ANKIB1: variants seen among roughly 807,000 people sequenced by gnomAD.
The protein encoded by ANKIB1 is ankyrin repeat and IBR domain containing 1.
In ANKIB1, 43 loss-of-function variants were observed where a neutral mutation model predicts 122.1. That is an observed-to-expected ratio of 0.35 (90% CI 0.28 to 0.45). The LOEUF is 0.45. Ranked by LOEUF, ANKIB1 falls within the 20% of genes least tolerant of loss-of-function variation. ANKIB1 has a pLI of 1.00. For synonymous variants in ANKIB1, 390 were observed against 442.0 expected, an observed-to-expected ratio of 0.88 and a Z score of 1.48; for missense variants, 992 against 1,329.5, an observed-to-expected ratio of 0.75 and a Z score of 3.95.
Position 92,344,969 on chromosome 7 carries a change from C to CAA in ANKIB1, c.997-8_997-7insAA. 6.3e-7 allele frequency: 1 copy of CAA among 1,593,210 alleles called. No individual in the cohort carries two copies. The highest frequency in any genetic ancestry group is 8.6e-7 in the Non-Finnish European group (1 of 1,163,398). The stretch of plus-strand genomic sequence containing the variant: ...TTCTGTTTAAATCATTGTTCTTCTT[C>CAA]ATCTCCAGTGTGACATTTGTATGTG... On this transcript the variant is annotated splice_polypyrimidine_tract_variant and intron_variant, in intron 6 of 19. Coordinates refer to ENST00000265742, the MANE Select transcript of ANKIB1 (RefSeq NM_019004.2).
chr7:92,301,206 C>A (rs1273332136), intron 2 of ANKIB1, among the ~76,000 whole-genome samples: 1 of 152,048 alleles, frequency 6.6e-6, no homozygotes, highest in Non-Finnish European at 1.5e-5. Context: ...TGGATGTATA[C>A]CCAGAAGTAA....
intron 5 of ANKIB1, among the ~76,000 whole-genome samples, chr7:92,334,486 A>G (rs1803244372): frequency 6.6e-6 from 1 of 152,056 alleles, no homozygotes; most frequent in South Asian, 2.1e-4. Context: ...CTTACAAAGA[A>G]TTGTTTCCTG....
chr7:92,365,198 A>T lies in ANKIB1; in HGVS notation c.1486+2925A>T, dbSNP rs554281558. 2.0e-5 allele frequency among the ~76,000 whole-genome samples: 3 copies of T among 152,316 alleles called. No individual in the cohort carries two copies. The South Asian group carries it at 6.2e-4, about 32-fold the overall frequency. On this transcript the variant is annotated intron_variant, in intron 10 of 19. Coordinates refer to ENST00000265742, the MANE Select transcript of ANKIB1 (RefSeq NM_019004.2). Reference sequence around the variant, plus strand: ...GCAACTGTATACAAAACTAAGGAAAAATGTGTTATGAATGTGAGAGAACAT... The same window carrying T: ...GCAACTGTATACAAAACTAAGGAAATATGTGTTATGAATGTGAGAGAACAT...
intron 1 of ANKIB1, among the ~76,000 whole-genome samples, chr7:92,290,406 T>TGTGTGTGTGTGTGTGTGTG (rs1341752553): frequency 6.7e-6 from 1 of 149,462 alleles, no homozygotes; most frequent in African/African-American, 2.5e-5. Context: ...TGTGTGTGTA[T>TGTGTGTGTGTGTGTGTGTG]TGGGACCTGC....
chr7:92,248,214 C>G lies in ANKIB1; in HGVS notation c.-91+1695C>G, dbSNP rs372825807. 3.2e-4 allele frequency among the ~76,000 whole-genome samples: 48 copies of G among 152,140 alleles called. 1 individual carries two copies. The highest frequency in any genetic ancestry group is 9.9e-4 in the African/African-American group (41 of 41,478). The stretch of plus-strand genomic sequence containing the variant: ...ATGGGGAAGATAGAACTATATTTTC[C>G]TATTTCACTGTTCCCTTGACCACTA... On this transcript the variant is annotated intron_variant, in intron 1 of 19. Transcript: ENST00000265742.
intron 1 of ANKIB1, among the ~76,000 whole-genome samples, chr7:92,263,715 T>C (rs1801609432): frequency 6.6e-6 from 1 of 152,218 alleles, no homozygotes; most frequent in African/African-American, 2.4e-5. Context: ...GGCTGATAGT[T>C]ACCATTATAG....
chr7:92,263,536 GT>G (rs1478784254), intron 1 of ANKIB1, among the ~76,000 whole-genome samples: 1 of 152,156 alleles, frequency 6.6e-6, no homozygotes, highest in Admixed American at 6.5e-5. Flanking sequence ...AGCATATCCA[GT>G]TTTTTCTTCC....
In ANKIB1 at chr7:92,398,339, C is replaced by G; in HGVS notation, c.2660C>G (p.Ala887Gly). The part of the protein sequence containing the change: ...DFLSNEASLG[A>G]IGTSLPSRLD... The stretch of plus-strand genomic sequence containing the variant: ...CTCAGTAATGAAGCATCCTTAGGTG[C>G]GATAGGCACTTCTTTACCTTCCAGG... Residue 887 changes from alanine to glycine, a missense_variant, in exon 20 of 20, where the codon GCG becomes GGG. By Grantham distance (60) the Ala-to-Gly change is moderately conservative (BLOSUM62 0). Coordinates refer to ENST00000265742, the MANE Select transcript of ANKIB1 (RefSeq NM_019004.2). 6.2e-7 allele frequency: 1 copy of G among 1,613,480 alleles called. No homozygotes were observed. The highest frequency in any genetic ancestry group is 1.1e-5 in the South Asian group (1 of 90,978).
At chr7:92,261,255 A>G (rs1476972155) in intron 1 of ANKIB1, among the ~76,000 whole-genome samples, 5 of 150,494 alleles carry the variant, frequency 3.3e-5, no homozygotes, top group Non-Finnish European at 7.4e-5. Context: ...AGGCTGAGGC[A>G]GGAGAATGGC....
chr7:92,361,611 T>A (rs1803946061), intron 9 of ANKIB1, among the ~76,000 whole-genome samples: 2 of 152,130 alleles, frequency 1.3e-5, no homozygotes, highest in African/African-American at 4.8e-5. Flanking sequence ...GGCTTGCAAA[T>A]CTAAGTTATA....
intron 1 of ANKIB1, among the ~76,000 whole-genome samples, chr7:92,258,703 A>G (rs1187569058): frequency 2.6e-5 from 4 of 152,196 alleles, no homozygotes; most frequent in Non-Finnish European, 2.9e-5. Context: ...TTCAGCTCAT[A>G]AGAGAAGGTA....
intron 3 of ANKIB1, among the ~76,000 whole-genome samples, chr7:92,309,480 A>G (rs967127608): frequency 6.6e-6 from 1 of 152,108 alleles, no homozygotes. Context: ...GGGGCTTTTT[A>G]CACAAGCTTC....
chr7:92,247,162 G>A (rs971873873), intron 1 of ANKIB1, among the ~76,000 whole-genome samples: 3 of 152,224 alleles, frequency 2.0e-5, no homozygotes, highest in Admixed American at 6.5e-5. Context: ...ACACGGAATG[G>A]CATATCGAAC....
intron 5 of ANKIB1, among the ~76,000 whole-genome samples, chr7:92,340,090 C>A (rs1477501533): frequency 6.6e-6 from 1 of 152,016 alleles, no homozygotes. Context: ...CTTTATTTGG[C>A]CACTGAATTT....
chr7:92,361,762 C>T (rs760110058), intron 9 of ANKIB1, among the ~76,000 whole-genome samples: 14 of 151,402 alleles, frequency 9.2e-5, no homozygotes, highest in African/African-American at 1.2e-4. Context: ...CATTAGTCAC[C>T]GTGCCTTACT....
At chr7:92,382,182 G>C (rs1804531146) in intron 11 of ANKIB1, among the ~76,000 whole-genome samples, 1 of 152,034 alleles carries the variant, frequency 6.6e-6, no homozygotes, top group African/African-American at 2.4e-5. Flanking sequence ...TCAACAAGAA[G>C]AGCTAACTAT....
At chr7:92,315,041 T>G (rs1173021485) in intron 3 of ANKIB1, among the ~76,000 whole-genome samples, 1 of 152,036 alleles carries the variant, frequency 6.6e-6, no homozygotes, top group Non-Finnish European at 1.5e-5. Context: ...GGATGGAGGC[T>G]CTATAATGTT....
chr7:92,251,930 C>T (rs62467796), intron 1 of ANKIB1, among the ~76,000 whole-genome samples: 15,438 of 152,196 alleles, frequency 0.1, 984 homozygotes, highest in Middle Eastern at 0.23. Flanking sequence ...TATGTCTGTT[C>T]GTAGTTCTTC....
intron 5 of ANKIB1, among the ~76,000 whole-genome samples, chr7:92,337,971 C>T (rs1235324030): frequency 6.6e-6 from 1 of 152,066 alleles, no homozygotes; most frequent in Non-Finnish European, 1.5e-5. Flanking sequence ...CCTTTACATT[C>T]ATATTGCTAT....
Sources: gnomAD v4.1 joint callset for allele counts (sites outside exome capture counted in the v4.1 genomes callset) on GRCh38, gnomAD v4.1.1 for gene constraint, MANE v1.5 for transcripts, NCBI Gene and HGNC (gene_info 2026-07-23, HGNC 2026-07-21) for gene names.